PTK2B: variants seen among roughly 807,000 people sequenced by gnomAD.
PTK2B encodes protein-tyrosine kinase 2-beta.
Under a neutral mutation model 142.9 loss-of-function variants are expected in PTK2B, and 71 were observed. That is an observed-to-expected ratio of 0.50 (90% CI 0.41 to 0.61). The LOEUF (loss-of-function observed/expected upper bound fraction) is 0.61. Among genes scored for constraint, PTK2B ranks in the 20% least tolerant of loss-of-function variants. The pLI, the probability that PTK2B is intolerant of heterozygous loss-of-function variation, is 0.00. For missense variants in PTK2B, 1,105 were observed against 1,320.4 expected (o/e 0.84, Z 2.53); for synonymous variants, 519 against 503.4 (o/e 1.03, Z -0.42).
At chr8:27,310,993 C>T, upstream of PTK2B, 1 of 1,611,976 alleles carries the variant, frequency 6.2e-7, no homozygotes, top group Non-Finnish European at 8.5e-7. Flanking sequence ...CGCGCAGCAG[C>T]TTCTCCACCA....
At chr8:27,425,325 A>T (rs1810017603) in intron 5 of PTK2B, among the ~76,000 whole-genome samples, 1 of 152,102 alleles carries the variant, frequency 6.6e-6, no homozygotes, top group Admixed American at 6.6e-5. Flanking sequence ...GTTACAAAGA[A>T]TAAATGAGTT....
intron 1 of PTK2B, among the ~76,000 whole-genome samples, chr8:27,350,809 C>A (rs1459794693): frequency 6.7e-6 from 1 of 150,140 alleles, no homozygotes; most frequent in Non-Finnish European, 1.5e-5. Context: ...GAAACCCCAT[C>A]TCTACTAAAA....
At chr8:27,321,466 C>T (rs144229548), upstream of PTK2B, among the ~76,000 whole-genome samples, 75 of 152,294 alleles carry the variant, frequency 4.9e-4, no homozygotes, top group African/African-American at 1.6e-3. Context: ...ATTTCTTTCT[C>T]ATGTAAAAGT....
At chr8:27,331,995 C>T (rs1192884202) in intron 1 of PTK2B, among the ~76,000 whole-genome samples, 1 of 152,170 alleles carries the variant, frequency 6.6e-6, no homozygotes, top group Non-Finnish European at 1.5e-5. Context: ...GCACTTTGCA[C>T]CTCTGCAGAG....
At chr8:27,326,209 C>T (rs1209917558) in intron 1 of PTK2B, among the ~76,000 whole-genome samples, 2 of 147,056 alleles carry the variant, frequency 1.4e-5, no homozygotes, top group African/African-American at 5.1e-5. Flanking sequence ...TTCTGGGGCA[C>T]AGGGGAGCTC....
intron 2 of PTK2B, among the ~76,000 whole-genome samples, chr8:27,402,339 G>T (rs1203457609): frequency 6.6e-6 from 1 of 152,194 alleles, no homozygotes; most frequent in Non-Finnish European, 1.5e-5. Flanking sequence ...GCAGAGTGGG[G>T]AGTTCACATG....
chr8:27,379,621 T>G (rs1194631501), intron 1 of PTK2B, among the ~76,000 whole-genome samples: 1 of 152,220 alleles, frequency 6.6e-6, no homozygotes, highest in African/African-American at 2.4e-5. Flanking sequence ...GCATATAATC[T>G]CTGGAATCTT....
chr8:27,312,091 T>C (rs1230955584), intron 1 of PTK2B, among the ~76,000 whole-genome samples: 1 of 152,216 alleles, frequency 6.6e-6, no homozygotes, highest in Non-Finnish European at 1.5e-5. Context: ...GAGTTCATGC[T>C]CAATTCTTGC....
intron 1 of PTK2B, among the ~76,000 whole-genome samples, chr8:27,339,939 T>C (rs969405761): frequency 6.6e-6 from 1 of 152,274 alleles, no homozygotes; most frequent in Non-Finnish European, 1.5e-5. Flanking sequence ...CTTCTGTGCC[T>C]GTCGGTCAGG....
intron 2 of PTK2B, among the ~76,000 whole-genome samples, chr8:27,400,618 C>G (rs1044413589): frequency 2.0e-5 from 3 of 151,846 alleles, no homozygotes; most frequent in Non-Finnish European, 4.4e-5. Flanking sequence ...TGATGATTAA[C>G]TAGATATAGG....
At chr8:27,313,778 T>C (rs910864225) in intron 3 of PTK2B, among the ~76,000 whole-genome samples, 3 of 152,232 alleles carry the variant, frequency 2.0e-5, no homozygotes, top group East Asian at 1.9e-4. Context: ...TGAAATTTTA[T>C]TGGAAGCTGA....
chr8:27,324,578 G>C (rs958483304), upstream of PTK2B, among the ~76,000 whole-genome samples: 2 of 152,242 alleles, frequency 1.3e-5, no homozygotes, highest in African/African-American at 4.8e-5. Context: ...TGGAAACTGA[G>C]TGCTTCCTCA....
chr8:27,457,836 G>A lies in PTK2B; in HGVS notation c.2815-458G>A, dbSNP rs190814276. 4.6e-4 allele frequency among the ~76,000 whole-genome samples: 70 copies of A among 152,182 alleles called. 1 individual carries two copies. Among genetic ancestry groups the A allele is most frequent in the African/African-American group, 1.6e-3 (67 of 41,520 alleles). On this transcript the variant is annotated intron_variant, in intron 30 of 30. Transcript: ENST00000346049. ...CTAAAAATACAAAAATTAGCCAGGC[G>A]TAATTGCAGGTGCCTGTAATCCCAG...
At chr8:27,443,961 C>T (rs1159213036) in intron 22 of PTK2B, among the ~76,000 whole-genome samples, 2 of 152,238 alleles carry the variant, frequency 1.3e-5, no homozygotes, top group Non-Finnish European at 2.9e-5. Flanking sequence ...ATGCACCAAT[C>T]ATTAACCCTC....
At chr8:27,311,074 C>T, upstream of PTK2B, 1 of 1,596,032 alleles carries the variant, frequency 6.3e-7, no homozygotes, top group African/African-American at 1.3e-5. Flanking sequence ...GGCAGGTGGG[C>T]GACACCTGCA....
chr8:27,314,916 C>G (rs1462553352), intron 3 of PTK2B, among the ~76,000 whole-genome samples: 1 of 152,202 alleles, frequency 6.6e-6, no homozygotes, highest in African/African-American at 2.4e-5. Flanking sequence ...GCCCAGGTGA[C>G]AGAGCCAGAC....
chr8:27,408,717 G>T (rs1008459465), intron 2 of PTK2B, among the ~76,000 whole-genome samples: 9 of 152,122 alleles, frequency 5.9e-5, no homozygotes, highest in African/African-American at 2.2e-4. Flanking sequence ...TCTCATAACC[G>T]TATACCAATT....
chr8:27,433,484 ACCT>A lies in PTK2B; in HGVS notation c.1039_1041del (p.Leu347del). On this transcript the variant is annotated inframe_deletion, in exon 11 of 31. Coordinates refer to ENST00000346049, the MANE Select transcript of PTK2B (RefSeq NM_173176.3). Reference sequence around the variant, plus strand: ...CTAGCAGAGGCTGAGAACATGGCTGACCTCATAGACGGCTACTGCCGGCTGCAG... The same window carrying A: ...CTAGCAGAGGCTGAGAACATGGCTGACATAGACGGCTACTGCCGGCTGCAG... The A allele has an allele frequency of 1.2e-6, 2 of 1,614,224 alleles. No homozygotes were observed. Among genetic ancestry groups the A allele is most frequent in the Non-Finnish European group, 1.7e-6 (2 of 1,180,032 alleles).
At chr8:27,454,698 G>T in intron 30 of PTK2B, 87 bp downstream of exon 30, 1 of 1,376,560 alleles carries the variant, frequency 7.3e-7, no homozygotes. Flanking sequence ...GGCTGCCTGG[G>T]CAACCTCATG....
Sources: gnomAD v4.1 joint callset for allele counts (sites outside exome capture counted in the v4.1 genomes callset) on GRCh38, gnomAD v4.1.1 for gene constraint, MANE v1.5 for transcripts, NCBI Gene and HGNC (gene_info 2026-07-23, HGNC 2026-07-21) for gene names.